Variants in GBA1 observed in about 807,000 individuals in gnomAD.
The protein encoded by GBA1 is lysosomal acid glucosylceramidase.
At chr1:155,241,258 G>A in the GBA1 span, 86 of 743,878 alleles carry the variant, frequency 1.2e-4, 1 homozygote, top group South Asian at 1.1e-3. Flanking sequence ...CCGGCTTCCC[G>A]ATGTGGATGG....
the GBA1 span, chr1:155,235,747 A>G: frequency 6.2e-7 from 1 of 1,614,160 alleles, no homozygotes; most frequent in Non-Finnish European, 8.5e-7. Context: ...GTCTACAATG[A>G]TGGGACTGTC....
At chr1:155,239,893 C>T in the GBA1 span, 9 of 1,614,038 alleles carry the variant, frequency 5.6e-6, no homozygotes, top group South Asian at 2.2e-5. Flanking sequence ...TACCTGTGCC[C>T]GTGTGATTAG....
At chr1:155,235,177 C>T in the GBA1 span, 3 of 1,594,078 alleles carry the variant, frequency 1.9e-6, no homozygotes, top group African/African-American at 4.1e-5. Context: ...ACTTCCCAGA[C>T]CTCACCATTG....
At chr1:155,238,362 C>T in the GBA1 span, 6 of 1,516,924 alleles carry the variant, frequency 4.0e-6, no homozygotes, top group Non-Finnish European at 5.4e-6. Context: ...CATACTAGCC[C>T]AACCAGTGCA....
At chr1:155,242,592 C>A in the GBA1 span, among the ~76,000 whole-genome samples, 1 of 150,356 alleles carries the variant, frequency 6.7e-6, no homozygotes, top group African/African-American at 2.5e-5. Context: ...CAAAATTGAT[C>A]ATTTCTTCTT....
chr1:155,237,075 T>C, the GBA1 span, among the ~76,000 whole-genome samples: 8 of 152,152 alleles, frequency 5.3e-5, no homozygotes, highest in African/African-American at 1.9e-4. Flanking sequence ...TTCAACACGT[T>C]GGCCAGGGTG....
chr1:155,240,325 G>A, the GBA1 span: 21 of 603,032 alleles, frequency 3.5e-5, no homozygotes, highest in African/African-American at 2.0e-4. Flanking sequence ...TTAGCTGGGC[G>A]TAGTGGTGGC....
At chr1:155,240,014 G>A in the GBA1 span, 1 of 1,614,070 alleles carries the variant, frequency 6.2e-7, no homozygotes, top group African/African-American at 1.3e-5. Context: ...GTCACAGTAT[G>A]TGGCATTGCA....
the GBA1 span, among the ~76,000 whole-genome samples, chr1:155,243,466 AT>A: frequency 2.4e-4 from 37 of 151,956 alleles, no homozygotes; most frequent in Non-Finnish European, 4.0e-4. Context: ...GTACTGAGCA[AT>A]TTTTTGTTTG....
At chr1:155,240,646 T>C in the GBA1 span, 7 of 1,613,598 alleles carry the variant, frequency 4.3e-6, no homozygotes, top group Non-Finnish European at 5.9e-6. Flanking sequence ...CCCACGACAC[T>C]GCCTGAAGTA....
chr1:155,236,411 A>C, the GBA1 span: 1 of 1,614,204 alleles, frequency 6.2e-7, no homozygotes, highest in Admixed American at 1.7e-5. Context: ...CAGAAAGTCC[A>C]GGTACCAATG....
the GBA1 span, among the ~76,000 whole-genome samples, chr1:155,243,105 A>G: frequency 6.6e-6 from 1 of 152,236 alleles, no homozygotes; most frequent in African/African-American, 2.4e-5. Flanking sequence ...ACATTGCAAC[A>G]TGTCAGGCCT....
chr1:155,236,611 A>T, the GBA1 span: 1 of 727,650 alleles, frequency 1.4e-6, no homozygotes. Flanking sequence ...TTTTTGAGAC[A>T]GGATGTCACT....
chr1:155,241,017 T>C, the GBA1 span: 1 of 1,384,482 alleles, frequency 7.2e-7, no homozygotes, highest in Non-Finnish European at 1.0e-6. Flanking sequence ...GAGTCTGTCA[T>C]TCATTAAATT....
the GBA1 span, among the ~76,000 whole-genome samples, chr1:155,242,989 T>C: frequency 6.6e-6 from 1 of 152,256 alleles, no homozygotes; most frequent in South Asian, 2.1e-4. Flanking sequence ...TCAATCACTC[T>C]AAGCCTCTGT....
At chr1:155,237,403 G>A in the GBA1 span, 1 of 1,613,994 alleles carries the variant, frequency 6.2e-7, no homozygotes, top group Non-Finnish European at 8.5e-7. Flanking sequence ...CGGACATTGT[G>A]GTGAGTACTG....
the GBA1 span, chr1:155,237,877 G>A: frequency 1.5e-6 from 1 of 645,398 alleles, no homozygotes; most frequent in African/African-American, 1.8e-5. Context: ...ACTCCAGCCT[G>A]GGTGACAGAG....
the GBA1 span, chr1:155,239,894 G>A: frequency 8.1e-6 from 13 of 1,613,970 alleles, no homozygotes; most frequent in Middle Eastern, 1.6e-4. Flanking sequence ...ACCTGTGCCC[G>A]TGTGATTAGC....
At chr1:155,242,057 C>T in the GBA1 span, among the ~76,000 whole-genome samples, 1 of 152,162 alleles carries the variant, frequency 6.6e-6, no homozygotes, top group African/African-American at 2.4e-5. Flanking sequence ...GGGAGTGGCA[C>T]ACACAGTCAT....
Sources: allele counts gnomAD v4.1 joint callset (sites outside exome capture counted in the v4.1 genomes callset), GRCh38; gene constraint gnomAD v4.1.1; transcripts MANE v1.5; gene names NCBI Gene and HGNC (gene_info 2026-07-23, HGNC 2026-07-21).